DLG2: variants seen among roughly 807,000 people sequenced by gnomAD.
DLG2 encodes disks large homolog 2.
A neutral mutation model predicts 132.5 loss-of-function variants in DLG2; 45 were observed. The ratio of observed to expected loss-of-function variants is 0.34; its 90% CI spans 0.27 to 0.44. The LOEUF (loss-of-function observed/expected upper bound fraction) is 0.44, where lower values mean the gene tolerates loss of function less well. Among genes scored for constraint, DLG2 ranks in the 20% least tolerant of loss-of-function variants. The pLI, the probability that DLG2 is intolerant of heterozygous loss-of-function variation, is 1.00. For synonymous variants in DLG2, 424 were observed against 419.6 expected, an observed-to-expected ratio of 1.01 and a Z score of -0.13; for missense variants, 1,045 against 1,196.9, an observed-to-expected ratio of 0.87 and a Z score of 1.87.
chr11:83,504,649 T>A (rs1054830114), intron 21 of DLG2, among the ~76,000 whole-genome samples: 1 of 152,112 alleles, frequency 6.6e-6, no homozygotes, highest in African/African-American at 2.4e-5. Flanking sequence ...CAGCAGACTA[T>A]CTAGGCCAGC....
At chr11:83,959,719 A>G (rs137962797) in intron 14 of DLG2, among the ~76,000 whole-genome samples, 192 of 152,198 alleles carry the variant, frequency 1.3e-3, no homozygotes, top group African/African-American at 4.3e-3. Context: ...GACGAGCACT[A>G]CCAACCAGGG....
intron 8 of DLG2, among the ~76,000 whole-genome samples, chr11:84,208,478 G>C (rs768417650): frequency 1.3e-5 from 2 of 151,758 alleles, no homozygotes; most frequent in Non-Finnish European, 2.9e-5. Context: ...TGAGTAGCTG[G>C]GACTACAGGT....
intron 11 of DLG2, among the ~76,000 whole-genome samples, chr11:84,032,718 G>A (rs1229158430): frequency 2.6e-5 from 4 of 152,122 alleles, no homozygotes; most frequent in African/African-American, 9.7e-5. Flanking sequence ...TAGGACTTTC[G>A]TAGCTAGAGA....
intron 6 of DLG2, among the ~76,000 whole-genome samples, chr11:85,043,148 A>T (rs2062020533): frequency 6.6e-6 from 1 of 151,888 alleles, no homozygotes; most frequent in African/African-American, 2.4e-5. Context: ...CTTATTGAAC[A>T]TTTAGGTTAT....
intron 8 of DLG2, among the ~76,000 whole-genome samples, chr11:84,175,061 A>G (rs908634316): frequency 3.3e-5 from 5 of 152,332 alleles, no homozygotes; most frequent in Admixed American, 1.3e-4. Context: ...TTACTGATGG[A>G]AAGTATGTGC....
chr11:85,092,561 A>C (rs1469259292), intron 6 of DLG2, among the ~76,000 whole-genome samples: 1 of 152,158 alleles, frequency 6.6e-6, no homozygotes, highest in African/African-American at 2.4e-5. Context: ...GCAAACATGA[A>C]CACTTAGGGA....
chr11:84,805,604 G>A (rs2075904976), intron 6 of DLG2, among the ~76,000 whole-genome samples: 1 of 152,046 alleles, frequency 6.6e-6, no homozygotes, highest in Non-Finnish European at 1.5e-5. Context: ...TTTAAAGTGT[G>A]TAGCCTCCCC....
chr11:85,444,246 A>T (rs1280843603), intron 3 of DLG2, among the ~76,000 whole-genome samples: 1 of 152,214 alleles, frequency 6.6e-6, no homozygotes, highest in Non-Finnish European at 1.5e-5. Flanking sequence ...CTAAAAATAT[A>T]AACTGGAAAA....
chr11:84,040,747 A>G (rs2096053089), intron 11 of DLG2, among the ~76,000 whole-genome samples: 1 of 150,072 alleles, frequency 6.7e-6, no homozygotes, highest in Non-Finnish European at 1.5e-5. Flanking sequence ...GTTTTTTCCA[A>G]TTCTGTGAAG....
intron 11 of DLG2, among the ~76,000 whole-genome samples, chr11:84,039,256 A>C (rs1261512381): frequency 1.1e-4 from 16 of 150,642 alleles, no homozygotes; most frequent in Non-Finnish European, 4.4e-5. Flanking sequence ...TTTAGGGTAC[A>C]TGTGCACATT....
At chr11:83,526,851 C>A (rs533441039) in intron 21 of DLG2, among the ~76,000 whole-genome samples, 1 of 152,250 alleles carries the variant, frequency 6.6e-6, no homozygotes, top group African/African-American at 2.4e-5. Context: ...GCTGGAATCT[C>A]CTTTTCTGCA....
intron 3 of DLG2, among the ~76,000 whole-genome samples, chr11:85,429,186 T>A (rs574350409): frequency 3.3e-5 from 5 of 152,200 alleles, no homozygotes; most frequent in Non-Finnish European, 5.9e-5. Context: ...CACAGCCGAA[T>A]TCTACCAGAG....
chr11:84,110,898 G>C (rs770578192), intron 9 of DLG2, among the ~76,000 whole-genome samples: 1 of 152,188 alleles, frequency 6.6e-6, no homozygotes, highest in East Asian at 1.9e-4. Context: ...TCGCCATTTT[G>C]TAAACTGCTC....
At chr11:84,651,156 C>T (rs2099681603) in intron 6 of DLG2, among the ~76,000 whole-genome samples, 2 of 151,904 alleles carry the variant, frequency 1.3e-5, no homozygotes, top group South Asian at 4.1e-4. Context: ...TGATATCTAA[C>T]TCTGCCTGAT....
chr11:84,118,473 T>G (rs1383795250), intron 9 of DLG2, among the ~76,000 whole-genome samples: 1 of 152,230 alleles, frequency 6.6e-6, no homozygotes, highest in African/African-American at 2.4e-5. Context: ...TAGAGTGAAG[T>G]ATAGCCTAAA....
At chr11:83,493,414 A>G (rs1591795097) in intron 21 of DLG2, among the ~76,000 whole-genome samples, 2 of 137,678 alleles carry the variant, frequency 1.5e-5, no homozygotes, top group South Asian at 4.6e-4. Context: ...TTCAACATTT[A>G]TCACCATCTG....
At chr11:84,397,050 GC>G (rs538069433) in intron 7 of DLG2, among the ~76,000 whole-genome samples, 117 of 152,264 alleles carry the variant, frequency 7.7e-4, no homozygotes, top group African/African-American at 2.6e-3. Context: ...TATGCAGTAT[GC>G]ATTATCTCAC....
intron 7 of DLG2, among the ~76,000 whole-genome samples, chr11:84,283,512 G>A (rs1190841505): frequency 2.0e-5 from 3 of 152,126 alleles, no homozygotes; most frequent in Non-Finnish European, 4.4e-5. Flanking sequence ...TTAAGTAATA[G>A]ATCTAAGATT....
chr11:84,847,027 C>T (rs141038659), intron 6 of DLG2, among the ~76,000 whole-genome samples: 83 of 152,164 alleles, frequency 5.5e-4, no homozygotes, highest in African/African-American at 1.9e-3. Flanking sequence ...TAGAGACCCT[C>T]AGAAGAATTT....
Sources: gnomAD v4.1 joint callset for allele counts (sites outside exome capture counted in the v4.1 genomes callset) on GRCh38, gnomAD v4.1.1 for gene constraint, MANE v1.5 for transcripts, NCBI Gene and HGNC (gene_info 2026-07-23, HGNC 2026-07-21) for gene names.